Variants in SRGAP2B observed in about 807,000 individuals in gnomAD.
SRGAP2B encodes SLIT-ROBO Rho GTPase-activating protein 2B.
Under a neutral mutation model 22.2 loss-of-function variants are expected in SRGAP2B, and 9 were observed. The observed-to-expected ratio is 0.41, with a 90% confidence interval of 0.24 to 0.71. The LOEUF is 0.71. SRGAP2B is among the 30% of genes least tolerant of loss of function. SRGAP2B has a pLI of 0.35. For missense variants in SRGAP2B, 114 were observed against 235.8 expected, an observed-to-expected ratio of 0.48 and a Z score of 3.38; for synonymous variants, 36 against 87.4, an observed-to-expected ratio of 0.41 and a Z score of 3.28.
chr1:145,093,676 G>A (rs1470786741), intron 1 of SRGAP2B, among the ~76,000 whole-genome samples: 5 of 146,428 alleles, frequency 3.4e-5, no homozygotes, highest in African/African-American at 8.2e-5. Context: ...GGCTCCGGGC[G>A]GGAACTGCAG....
intron 2 of SRGAP2B, among the ~76,000 whole-genome samples, chr1:145,068,893 ATGTGTGTGTGTGTGTGTGTGTGTGTGTG>A (rs797031320): frequency 2.7e-5 from 3 of 109,178 alleles, no homozygotes; most frequent in Non-Finnish European, 5.7e-5. Flanking sequence ...ATAAGGTAAA[ATGTGTGTGTGTGTGTGTGTGTGTGTGTG>A]TGTGTGTGTG....
In SRGAP2B at chr1:144,964,835, C is replaced by T. The variant is rs1271823671; in HGVS notation, c.261-9234G>A. Among the ~76,000 whole-genome samples the T allele has an allele frequency of 4.6e-5, 7 of 150,756 alleles. No individual in the cohort carries two copies. In the East Asian group the frequency reaches 1.4e-3, roughly 29 times the overall value. ...TCGGGAAGCTGAGGTGGGAAGATCG[C>T]TTGAGCCCAGGAGCTTGAGGCCATA... On this transcript the variant is annotated intron_variant, in intron 3 of 9. Coordinates refer to ENST00000612199, the Ensembl canonical transcript of SRGAP2B.
At chr1:144,995,288 T>A in intron 2 of SRGAP2B, 88 bp from the exon 3 acceptor site, 2 of 428,384 alleles carry the variant, frequency 4.7e-6, no homozygotes, top group South Asian at 7.5e-5. Context: ...TCCACTTACT[T>A]ATTCCCCGTG....
At chr1:144,964,772 A>G (rs1553611853) in intron 3 of SRGAP2B, among the ~76,000 whole-genome samples, 1 of 150,618 alleles carries the variant, frequency 6.6e-6, no homozygotes, top group East Asian at 1.9e-4. Flanking sequence ...AGTAAATGGA[A>G]GCCAGGTATG....
At chr1:145,022,398 G>T (rs1207525333) in intron 2 of SRGAP2B, among the ~76,000 whole-genome samples, 1 of 121,224 alleles carries the variant, frequency 8.2e-6, no homozygotes, top group Non-Finnish European at 1.7e-5. Flanking sequence ...GAAGGCAGAG[G>T]GTTAAATTTC....
chr1:144,931,601 T>C (rs1553605650), intron 4 of SRGAP2B, among the ~76,000 whole-genome samples: 2 of 150,794 alleles, frequency 1.3e-5, no homozygotes. Context: ...AATATTCTGG[T>C]TAAAGGAAAG....
At chr1:145,076,045 T>C (rs1453719233) in intron 2 of SRGAP2B, among the ~76,000 whole-genome samples, 7 of 150,434 alleles carry the variant, frequency 4.7e-5, no homozygotes, top group African/African-American at 1.7e-4. Flanking sequence ...GCAGAACATA[T>C]ATTATGCCAG....
At chr1:144,991,251 GA>G (rs1670193907) in intron 3 of SRGAP2B, among the ~76,000 whole-genome samples, 1 of 149,452 alleles carries the variant, frequency 6.7e-6, no homozygotes, top group East Asian at 2.0e-4. Context: ...TGAGGACGTG[GA>G]GAACCTTTAT....
chr1:145,001,881 G>C (rs1309758902), intron 2 of SRGAP2B, among the ~76,000 whole-genome samples: 1 of 149,828 alleles, frequency 6.7e-6, no homozygotes, highest in African/African-American at 2.5e-5. Context: ...AAGTTAGCTG[G>C]GGGGGTGGTG....
chr1:145,000,020 TGC>T (rs1388182262), intron 2 of SRGAP2B, among the ~76,000 whole-genome samples: 1 of 149,438 alleles, frequency 6.7e-6, no homozygotes, highest in Non-Finnish European at 1.5e-5. Flanking sequence ...GAGCACCATC[TGC>T]CAGTGAAGGG....
At chr1:144,957,239 A>C (rs1667332768) in intron 3 of SRGAP2B, among the ~76,000 whole-genome samples, 1 of 150,858 alleles carries the variant, frequency 6.6e-6, no homozygotes, top group Non-Finnish European at 1.5e-5. Context: ...GCCTCCATTC[A>C]GCACTAAAGA....
intron 1 of SRGAP2B, among the ~76,000 whole-genome samples, chr1:145,093,814 G>A (rs1201690389): frequency 4.9e-5 from 7 of 143,950 alleles, no homozygotes; most frequent in Non-Finnish European, 9.1e-5. Flanking sequence ...ACCCCCGGCC[G>A]GGGCACCTCC....
intron 3 of SRGAP2B, among the ~76,000 whole-genome samples, chr1:144,971,917 G>A (rs1668553734): frequency 1.3e-5 from 2 of 149,754 alleles, no homozygotes; most frequent in Admixed American, 1.3e-4. Context: ...TCATTGTGGT[G>A]GTTATTACAT....
chr1:145,081,390 A>C (rs1446168073), intron 2 of SRGAP2B, among the ~76,000 whole-genome samples: 1 of 150,656 alleles, frequency 6.6e-6, no homozygotes, highest in African/African-American at 2.5e-5. Context: ...TTTTATAGGG[A>C]AACTAGGGAT....
chr1:144,971,579 G>A (rs1668529348), intron 3 of SRGAP2B, among the ~76,000 whole-genome samples: 1 of 150,846 alleles, frequency 6.6e-6, no homozygotes, highest in East Asian at 1.9e-4. Context: ...ACAATTATGA[G>A]CCACCTCACC....
intron 3 of SRGAP2B, among the ~76,000 whole-genome samples, chr1:144,992,643 T>A (rs587629453): frequency 7.6e-6 from 1 of 132,332 alleles, no homozygotes; most frequent in African/African-American, 3.1e-5. Flanking sequence ...TGGCTTATTT[T>A]GAGATGTCAT....
At chr1:145,080,816 AAGTGCT>A (rs1652856754) in intron 2 of SRGAP2B, among the ~76,000 whole-genome samples, 1 of 149,592 alleles carries the variant, frequency 6.7e-6, no homozygotes, top group Admixed American at 6.6e-5. Context: ...CGGCCTCCCA[AAGTGCT>A]GGGATTACAG....
At chr1:144,953,737 A>G (rs1553609796) in intron 4 of SRGAP2B, among the ~76,000 whole-genome samples, 7 of 150,366 alleles carry the variant, frequency 4.7e-5, no homozygotes. Flanking sequence ...AGAGGCTATT[A>G]AATTATCTAG....
intron 3 of SRGAP2B, among the ~76,000 whole-genome samples, chr1:144,970,799 A>T (rs28540001): frequency 4.0e-5 from 6 of 150,132 alleles, no homozygotes; most frequent in East Asian, 3.9e-4. Flanking sequence ...AATAAATAAA[A>T]AATAAATAAA....
Sources: allele counts gnomAD v4.1 joint callset (sites outside exome capture counted in the v4.1 genomes callset), GRCh38; gene constraint gnomAD v4.1.1; transcripts MANE v1.5; gene names NCBI Gene and HGNC (gene_info 2026-07-23, HGNC 2026-07-21).